RERE: variants seen among roughly 807,000 people sequenced by gnomAD.
RERE encodes the protein arginine-glutamic acid dipeptide repeats, also known as arginine-glutamic acid dipeptide repeats protein.
Under a neutral mutation model 146.1 loss-of-function variants are expected in RERE, and 40 were observed. The observed-to-expected ratio is 0.27, with a 90% confidence interval of 0.21 to 0.36. RERE has a LOEUF of 0.36. RERE is among the 10% of genes least tolerant of loss of function. The probability of loss-of-function intolerance (pLI) is 1.00; values close to 1 mark genes in which losing one functional copy is unlikely to be tolerated. For synonymous variants in RERE, 1,003 were observed against 866.0 expected (o/e 1.16, Z -2.78); for missense variants, 1,933 against 2,138.7 (o/e 0.90, Z 1.90).
chr1:8,548,277 G>A (rs1645890963), intron 6 of RERE, among the ~76,000 whole-genome samples: 1 of 152,192 alleles, frequency 6.6e-6, no homozygotes. Context: ...TGGGAACATG[G>A]TGGCAGGGTT....
intron 11 of RERE, among the ~76,000 whole-genome samples, chr1:8,461,677 G>A (rs1399556712): frequency 6.6e-6 from 1 of 152,100 alleles, no homozygotes; most frequent in African/African-American, 2.4e-5. Context: ...GAGATGAAAG[G>A]CCTCCTATTG....
intron 18 of RERE, 35 bp from the exon 19 acceptor site, chr1:8,360,021 G>A (rs773416046): frequency 5.0e-6 from 8 of 1,607,536 alleles, no homozygotes; most frequent in Middle Eastern, 1.6e-4. Flanking sequence ...GGGAGCTCCT[G>A]CCGAGACCCA....
In RERE at chr1:8,501,031, A is replaced by C. The variant is rs1173709898; in HGVS notation, c.880-3502T>G. Among the ~76,000 whole-genome samples, 3 of 36,282 alleles carry C rather than the reference A, an allele frequency of 8.3e-5. 1 individual carries two copies. Among genetic ancestry groups the C allele is most frequent in the Non-Finnish European group, 1.6e-4 (3 of 19,142 alleles). 23.8% of individuals were successfully genotyped at this position (36,282 alleles called of 152,430 possible). A position where few individuals can be genotyped will look rare whatever the true frequency, so the allele number is the denominator to read the frequency against. On this transcript the variant is annotated intron_variant, in intron 8 of 22. Coordinates refer to ENST00000400908, the MANE Select transcript of RERE (RefSeq NM_001042681.2). ...CCGCCCGGCAGCCACCCCGTCCGGGAGGGGGGGGGGGGGTCAGCCCCCCGC... is the reference window on the plus strand; with the variant it reads ...CCGCCCGGCAGCCACCCCGTCCGGGCGGGGGGGGGGGGGTCAGCCCCCCGC...
chr1:8,796,269 G>C (rs933659988), intron 1 of RERE, among the ~76,000 whole-genome samples: 7 of 152,060 alleles, frequency 4.6e-5, no homozygotes, highest in Non-Finnish European at 7.3e-5. Context: ...CCTTCAAGTA[G>C]AAGTGGAAAC....
intron 3 of RERE, among the ~76,000 whole-genome samples, chr1:8,615,213 TG>T (rs1359203786): frequency 6.6e-6 from 1 of 152,054 alleles, no homozygotes; most frequent in Non-Finnish European, 1.5e-5. Context: ...TGTATAAAGC[TG>T]AAGGCAAAGT....
chr1:8,417,815 C>A (rs1422044578), intron 12 of RERE, among the ~76,000 whole-genome samples: 2 of 152,224 alleles, frequency 1.3e-5, no homozygotes, highest in Non-Finnish European at 2.9e-5. Flanking sequence ...TCCGCTTATG[C>A]AACCTCCTTT....
chr1:8,470,738 T>A (rs924430855), intron 10 of RERE, among the ~76,000 whole-genome samples: 1 of 151,728 alleles, frequency 6.6e-6, no homozygotes, highest in Non-Finnish European at 1.5e-5. Flanking sequence ...ACTATCTTCT[T>A]AATGTTATAG....
intron 1 of RERE, among the ~76,000 whole-genome samples, chr1:8,725,334 G>C (rs1372809865): frequency 6.6e-6 from 1 of 152,226 alleles, no homozygotes; most frequent in African/African-American, 2.4e-5. Flanking sequence ...GGGAGGCCAA[G>C]GTGGGCGGAT....
intron 1 of RERE, among the ~76,000 whole-genome samples, chr1:8,771,540 T>G (rs1310955672): frequency 7.4e-6 from 1 of 135,474 alleles, no homozygotes; most frequent in Non-Finnish European, 1.6e-5. Flanking sequence ...AAAAAAAAAC[T>G]ATTAGGAACT....
At chr1:8,523,410 C>T (rs1449694170) in intron 7 of RERE, among the ~76,000 whole-genome samples, 2 of 152,104 alleles carry the variant, frequency 1.3e-5, no homozygotes, top group East Asian at 3.9e-4. Flanking sequence ...CATCTACTTG[C>T]TACATTCCCA....
chr1:8,699,093 A>G (rs1639394267), intron 1 of RERE, among the ~76,000 whole-genome samples: 1 of 152,222 alleles, frequency 6.6e-6, no homozygotes, highest in Non-Finnish European at 1.5e-5. Context: ...CTATGAGAAC[A>G]GAGACTTCAT....
intron 2 of RERE, among the ~76,000 whole-genome samples, chr1:8,624,952 A>G (rs1360255425): frequency 6.6e-6 from 1 of 152,202 alleles, no homozygotes; most frequent in East Asian, 1.9e-4. Context: ...CCCTAAACAC[A>G]TTTTATTTTC....
Position 8,614,705 on chromosome 1 carries a change from T to A in RERE, c.397-19A>T, listed in dbSNP as rs200034544. On this transcript the variant is annotated intron_variant, in intron 3 of 22. Coordinates refer to ENST00000400908, the MANE Select transcript of RERE (RefSeq NM_001042681.2). ...TGTGGACCTAAAAAAGAAAACAGTT[T>A]TAAGTTAACGTGCCCAACGCCCCAT... The A allele has an allele frequency of 6.2e-7, 1 of 1,600,102 alleles. No homozygotes were observed. Among genetic ancestry groups the A allele is most frequent in the Non-Finnish European group, 8.5e-7 (1 of 1,173,394 alleles).
chr1:8,443,266 G>A (rs1247270642), intron 11 of RERE, among the ~76,000 whole-genome samples: 1 of 151,922 alleles, frequency 6.6e-6, no homozygotes, highest in African/African-American at 2.4e-5. Context: ...TTCAAGACCA[G>A]CCTGGCCAAC....
intron 12 of RERE, among the ~76,000 whole-genome samples, chr1:8,388,048 C>G (rs1642744031): frequency 6.6e-6 from 1 of 152,176 alleles, no homozygotes; most frequent in Non-Finnish European, 1.5e-5. Context: ...ACGCTCTATT[C>G]ATACAAGGCT....
At chr1:8,790,564 T>C (rs1391654282) in intron 1 of RERE, among the ~76,000 whole-genome samples, 1 of 152,212 alleles carries the variant, frequency 6.6e-6, no homozygotes, top group Non-Finnish European at 1.5e-5. Context: ...AGAAATAAAC[T>C]AAGCCATTTT....
intron 19 of RERE, among the ~76,000 whole-genome samples, chr1:8,359,123 CCT>C (rs1216480669): frequency 5.9e-5 from 9 of 152,222 alleles, no homozygotes; most frequent in African/African-American, 2.2e-4. Context: ...CCGCAGCTCC[CCT>C]CAGGCCCAGA....
At chr1:8,697,452 G>GCATCA (rs1639357106) in intron 1 of RERE, among the ~76,000 whole-genome samples, 1 of 141,540 alleles carries the variant, frequency 7.1e-6, no homozygotes, top group African/African-American at 2.7e-5. Flanking sequence ...GAGTGCAGTG[G>GCATCA]CGTGATCTCA....
At chr1:8,749,000 G>A (rs1033093033) in intron 1 of RERE, among the ~76,000 whole-genome samples, 3 of 152,048 alleles carry the variant, frequency 2.0e-5, no homozygotes, top group African/African-American at 7.2e-5. Context: ...TCAAGATCTC[G>A]GTAAGCTGTG....
Sources: gnomAD v4.1 joint callset for allele counts (sites outside exome capture counted in the v4.1 genomes callset) on GRCh38, gnomAD v4.1.1 for gene constraint, MANE v1.5 for transcripts, NCBI Gene and HGNC (gene_info 2026-07-23, HGNC 2026-07-21) for gene names.